The following WDR81 variants were observed in gnomAD, a reference collection of about 807,000 sequenced individuals.
The protein encoded by WDR81 is WD repeat domain 81, also known as WD repeat-containing protein 81.
In WDR81, 92 loss-of-function variants were observed where a neutral mutation model predicts 140.8. That is an observed-to-expected ratio of 0.65 (90% CI 0.55 to 0.78). The LOEUF is 0.78. WDR81 is among the 30% of genes least tolerant of loss of function. The pLI, the probability that WDR81 is intolerant of heterozygous loss-of-function variation, is 0.00. For synonymous variants in WDR81, 1,183 were observed against 1,156.4 expected (o/e 1.02, Z -0.47); for missense variants, 2,502 against 2,636.4 (o/e 0.95, Z 1.12).
Position 1,728,279 on chromosome 17 carries a change from G to T in WDR81, c.3320G>T (p.Arg1107Leu), listed in dbSNP as rs976278499. The change falls in exon 1 of 10, where the codon CGG (arginine) becomes CTG (leucine). Residue 1107 changes from arginine to leucine, a missense_variant. Around this residue, in one of 3 missense-constraint regions of WDR81, gnomAD observed 1,737 missense variants for 1,843.0 expected, o/e 0.94. Transcript: ENST00000409644. ...GAGGCTGAGGCTGTGAGCCTGGGCCGGCTGAGTGACAAGAGCAGCACCAGC... is the reference window on the plus strand; with the variant it reads ...GAGGCTGAGGCTGTGAGCCTGGGCCTGCTGAGTGACAAGAGCAGCACCAGC... ...PQEAEAVSLG[R>L]LSDKSSTSET... The T allele has an allele frequency of 1.2e-6, 2 of 1,612,620 alleles. No individual in the cohort carries two copies. Among genetic ancestry groups the T allele is most frequent in the Non-Finnish European group, 1.7e-6 (2 of 1,179,960 alleles).
At chr17:1,718,721 T>C (rs945275080) in intron 1 of WDR81, among the ~76,000 whole-genome samples, 5 of 152,214 alleles carry the variant, frequency 3.3e-5, no homozygotes, top group Non-Finnish European at 5.9e-5. Flanking sequence ...AGCAGGGCCC[T>C]GGCCAAGCAT....
intron 1 of WDR81, 57 bp downstream of exon 1, chr17:1,728,683 A>T (rs750901305): frequency 1.0e-5 from 15 of 1,440,944 alleles, no homozygotes; most frequent in Non-Finnish European, 1.1e-5. Context: ...GGCCGAGCAC[A>T]GTGGTTCACG....
In WDR81 at chr17:1,737,378, G is replaced by T; in HGVS notation, c.5519G>T (p.Ser1840Ile). The T allele has an allele frequency of 6.2e-7, 1 of 1,608,422 alleles. No homozygotes were observed. Among genetic ancestry groups the T allele is most frequent in the Non-Finnish European group, 8.5e-7 (1 of 1,177,102 alleles). The change falls in exon 10 of 10, where the codon AGC becomes ATC. Residue 1840 changes from serine to isoleucine, a missense_variant. By Grantham distance (142) the Ser-to-Ile change is moderately radical. Around this residue, in one of 3 missense-constraint regions of WDR81, gnomAD observed 1,737 missense variants for 1,843.0 expected, o/e 0.94. Coordinates refer to ENST00000409644, the MANE Select transcript of WDR81 (RefSeq NM_001163809.2). ...DILQIKAVEG[S>I]VLVSSSSDHS... Reference sequence around the variant, plus strand: ...CTCCCGGGACAGGCGGTGGAGGGCAGCGTCCTGGTCAGCTCCTCCTCTGAC... The same window carrying T: ...CTCCCGGGACAGGCGGTGGAGGGCATCGTCCTGGTCAGCTCCTCCTCTGAC...
Position 1,730,792 on chromosome 17 carries a change from G to A in WDR81, c.3813G>A (p.Glu1271=). ...AGCAGTTCACAGTGAGCAGTGGCGA[G>A]AGCCCACCGCTGAGCGCCGGCAACA... ...TRQQFTVSSG[E]SPPLSAGNIY... is the part of the protein sequence containing the mutation. Residue 1271 remains glutamate (E), a synonymous_variant, in exon 3 of 10, where the codon GAG becomes GAA. Transcript: ENST00000409644. 1 of 1,612,156 alleles carries A rather than the reference G, an allele frequency of 6.2e-7. No homozygotes were observed. Among genetic ancestry groups the A allele is most frequent in the East Asian group, 2.2e-5 (1 of 44,858 alleles).
intron 4 of WDR81, 127 bp downstream of exon 4, chr17:1,731,385 G>A (rs891318989): frequency 1.8e-5 from 22 of 1,191,752 alleles, no homozygotes; most frequent in African/African-American, 1.4e-4. Context: ...TTTTGATCCC[G>A]GCTGTGTGAC....
Position 1,725,515 on chromosome 17 carries a change from G to A in WDR81, c.556G>A (p.Gly186Ser). The A allele has an allele frequency of 6.5e-7, 1 of 1,546,262 alleles. No homozygotes were observed. The highest frequency in any genetic ancestry group is 8.7e-7 in the Non-Finnish European group (1 of 1,146,966). Residue 186 changes from glycine (G) to serine (S), a missense_variant, in exon 1 of 10, where the codon GGT (glycine) becomes AGT (serine). By Grantham distance (56) the Gly-to-Ser change is moderately conservative (BLOSUM62 0). Coordinates refer to ENST00000409644, the MANE Select transcript of WDR81 (RefSeq NM_001163809.2). ...SVRQALQRVY[G>S]CSFLPVGETT... Reference sequence around the variant, plus strand: ...ACGGCAGGCTCTGCAGAGGGTCTATGGTTGCTCCTTCCTGCCAGTGGGTGA... The same window carrying A: ...ACGGCAGGCTCTGCAGAGGGTCTATAGTTGCTCCTTCCTGCCAGTGGGTGA...
rs1915436267 is a variant in WDR81, at chr17:1,728,257, G to A, written c.3298G>A (p.Ala1100Thr). ...GACTGAGTCTCCCCAGCCCCAGGAG[G>A]CTGAGGCTGTGAGCCTGGGCCGGCT... ...YVTESPQPQEAEAVSLGRLSD... is the reference protein window; with the variant it reads ...YVTESPQPQETEAVSLGRLSD... Residue 1100 changes from alanine (A) to threonine (T), a missense_variant, in exon 1 of 10, where the codon GCT becomes ACT. Transcript: ENST00000409644. The A allele has an allele frequency of 3.7e-6, 6 of 1,612,214 alleles. No homozygotes were observed. The highest frequency in any genetic ancestry group is 3.3e-4 in the Middle Eastern group (2 of 6,054).
intron 6 of WDR81, among the ~76,000 whole-genome samples, chr17:1,733,283 G>T (rs59967673): frequency 0.24 from 36,499 of 152,206 alleles, 5,451 homozygotes; most frequent in East Asian, 0.5. Flanking sequence ...CACCTGTCTT[G>T]TTCCATATTC....
At chr17:1,730,634 T>C (rs1915630174) in intron 2 of WDR81, 121 bp from the exon 3 acceptor site, 3 of 1,426,202 alleles carry the variant, frequency 2.1e-6, no homozygotes, top group African/African-American at 1.4e-5. Context: ...GTGCCAGCCT[T>C]GGGTAGGGCC....
upstream of WDR81, among the ~76,000 whole-genome samples, chr17:1,723,798 A>T (rs888305438): frequency 2.6e-4 from 39 of 151,352 alleles, no homozygotes; most frequent in Middle Eastern, 6.8e-3. Context: ...TTTGTTTTTT[A>T]AAAAGCCGTG....
chr17:1,730,450 C>T lies in WDR81; in HGVS notation c.3738C>T (p.Ala1246=), dbSNP rs1915614003. ...CCACAGTGGCCTCTCGCCACGTGGC[C>T]CGGAACCTGCTCCGCCTGCTGACGT... ...LGPTVASRHV[A]RNLLRLLTSC... is the part of the protein sequence containing the mutation. Residue 1246 remains alanine (A), a synonymous_variant, in exon 2 of 10, where the codon GCC becomes GCT. Transcript: ENST00000409644. 6.2e-7 allele frequency: 1 copy of T among 1,613,204 alleles called. No homozygotes were observed. Among genetic ancestry groups the T allele is most frequent in the South Asian group, 1.1e-5 (1 of 91,052 alleles).
rs938045374 is a variant in WDR81, at chr17:1,724,804, C to A, written c.-156C>A. 4.1e-5 allele frequency: 49 copies of A among 1,192,944 alleles called. No homozygotes were observed. The highest frequency in any genetic ancestry group is 4.8e-5 in the Non-Finnish European group (46 of 962,990). The allele number at this position is 1,192,944 out of a possible 1,614,324, so 73.9% of individuals were successfully genotyped here. A position where few individuals can be genotyped will look rare whatever the true frequency, so the allele number is the denominator to read the frequency against. The stretch of plus-strand genomic sequence containing the variant: ...GCGGAGGGGTAAGCGCGCCCCCCGT[C>A]CGCCTCTTCGCCGCCGCCGGCTTCC... On this transcript the variant is annotated 5_prime_UTR_variant, in exon 1 of 10. Transcript: ENST00000409644.
chr17:1,727,986 G>A lies in WDR81; in HGVS notation c.3027G>A (p.Leu1009=). The A allele has an allele frequency of 6.4e-7, 1 of 1,550,444 alleles. No homozygotes were observed. The highest frequency in any genetic ancestry group is 8.7e-7 in the Non-Finnish European group (1 of 1,147,084). Residue 1009 remains leucine (L), a synonymous_variant, in exon 1 of 10, where the codon CTG becomes CTA. Transcript: ENST00000409644. Reference sequence around the variant, plus strand: ...TCACTCACCTGCTGCCCCATGTCCTGCAGGTGCTGGCGGGCGCAGAGGCCT... The same window carrying A: ...TCACTCACCTGCTGCCCCATGTCCTACAGGTGCTGGCGGGCGCAGAGGCCT... The part of the protein sequence containing the change: ...AFLTHLLPHV[L]QVLAGAEASQ...
In WDR81 at chr17:1,737,654, C is replaced by T; in HGVS notation, c.5795C>T (p.Ser1932Leu). 1.2e-6 allele frequency: 2 copies of T among 1,611,868 alleles called. No homozygotes were observed. Among genetic ancestry groups the T allele is most frequent in the Non-Finnish European group, 1.7e-6 (2 of 1,179,824 alleles). The change falls in exon 10 of 10, where the codon TCA becomes TTA. Residue 1932 changes from serine (S) to leucine (L), a missense_variant. This residue lies in a region of WDR81 where 1,737 missense variants were observed against 1,843.0 expected (regional missense o/e 0.94). Coordinates refer to ENST00000409644, the MANE Select transcript of WDR81 (RefSeq NM_001163809.2). ...LPTKRHLLLG[S>L]DNGVIRLLA ...ACTAAACGCCACCTCCTGCTGGGCT[C>T]AGACAACGGGGTTATCCGCCTCCTG... is the stretch of plus-strand genomic sequence containing the variant.
rs1357368523 is a variant in WDR81 at position 1,726,891 on chromosome 17, G to A, written c.1932G>A (p.Glu644=). ...CAGTTTTAGAGGCCACTCCCTGTGA[G>A]GCTAGCTGGACCAGAGACAGGCCGG... ...GRPVLEATPC[E]ASWTRDRPVA... Residue 644 remains glutamate (E), a synonymous_variant, in exon 1 of 10, where the codon GAG becomes GAA. Coordinates refer to ENST00000409644, the MANE Select transcript of WDR81 (RefSeq NM_001163809.2). 3.2e-6 allele frequency: 5 copies of A among 1,550,454 alleles called. No individual in the cohort carries two copies. The highest frequency in any genetic ancestry group is 8.7e-7 in the Non-Finnish European group (1 of 1,146,974).
chr17:1,736,777 G>C (rs1015924896), intron 9 of WDR81, among the ~76,000 whole-genome samples: 3 of 152,200 alleles, frequency 2.0e-5, no homozygotes, highest in Non-Finnish European at 4.4e-5. Context: ...GGGAGGAACA[G>C]GGCTTCGTGT....
intron 1 of WDR81, among the ~76,000 whole-genome samples, chr17:1,729,350 G>A (rs375162710): frequency 1.2e-4 from 19 of 152,080 alleles, no homozygotes; most frequent in South Asian, 1.0e-3. Context: ...CGTGGTGGCG[G>A]GCACCTGTAA....
chr17:1,727,648 C>T lies in WDR81; in HGVS notation c.2689C>T (p.Gln897Ter). 1 of 1,550,540 alleles carries T rather than the reference C, an allele frequency of 6.4e-7. No individual in the cohort carries two copies. Among genetic ancestry groups the T allele is most frequent in the Non-Finnish European group, 8.7e-7 (1 of 1,147,032 alleles). ...GGCAAGGCGTGTGGAGGACGAGGCC[C>T]AGGGGCGCGAGCTGGTGTTTGCTCT... ...YQARRVEDEA[Q>*]GRELVFALWQ... The change falls in exon 1 of 10, where the codon CAG (glutamine) becomes TAG (stop). Residue 897 changes from glutamine to a stop codon, truncating the protein, a stop_gained. Transcript: ENST00000409644. LOFTEE classifies it high-confidence loss of function.
At position 1,726,492 on chromosome 17, in the gene WDR81, C is replaced by T; in HGVS notation, c.1533C>T (p.Asp511=). 6.4e-7 allele frequency: 1 copy of T among 1,550,556 alleles called. No homozygotes were observed. Among genetic ancestry groups the T allele is most frequent in the Non-Finnish European group, 8.7e-7 (1 of 1,147,024 alleles). ...GCTCCATCCACCCCGACATGCCTGA[C>T]CTGGATGTGCCAGCCTGGTGCAGCT... ...IFRSIHPDMP[D]LDVPAWCSSS... is the part of the protein sequence containing the mutation. The change falls in exon 1 of 10, where the codon GAC becomes GAT. Residue 511 remains aspartate (D), a synonymous_variant. Coordinates refer to ENST00000409644, the MANE Select transcript of WDR81 (RefSeq NM_001163809.2).
Sources: allele counts gnomAD v4.1 joint callset (sites outside exome capture counted in the v4.1 genomes callset), GRCh38; gene constraint gnomAD v4.1.1; regional missense constraint gnomAD v4.1.1; transcripts MANE v1.5; gene names NCBI Gene and HGNC (gene_info 2026-07-23, HGNC 2026-07-21).